Variants in IL3RA observed in about 807,000 individuals in gnomAD.
IL3RA encodes the protein interleukin-3 receptor subunit alpha.
In IL3RA, 73 loss-of-function variants were observed where a neutral mutation model predicts 52.3. The observed-to-expected ratio is 1.40, with a 90% CI of 1.16 to 1.70. The LOEUF is 1.70. Among genes scored for constraint, IL3RA ranks in the 40% most tolerant of loss-of-function variants. The pLI is 0.00. For synonymous variants in IL3RA, 260 were observed against 194.0 expected (o/e 1.34, Z -2.83); for missense variants, 664 against 504.4 (o/e 1.32, Z -3.03).
chrX:1,363,657 G>A (rs1455357634), intron 8 of IL3RA, among the ~76,000 whole-genome samples: 3 of 151,850 alleles, frequency 2.0e-5, no homozygotes, highest in East Asian at 1.9e-4. Context: ...AATTTTGGGG[G>A]ATCACAATGC....
intron 2 of IL3RA, among the ~76,000 whole-genome samples, chrX:1,343,395 C>T (rs1241912041): frequency 6.6e-5 from 10 of 152,000 alleles, no homozygotes; most frequent in South Asian, 2.1e-4. Flanking sequence ...CCGGGTGCAA[C>T]GGCTCACGTC....
intron 1 of IL3RA, among the ~76,000 whole-genome samples, chrX:1,339,489 A>G (rs1429010463): frequency 3.9e-5 from 6 of 152,016 alleles, no homozygotes; most frequent in Non-Finnish European, 8.8e-5. Flanking sequence ...CGCTAACGCC[A>G]TTTGGTTCTT....
chrX:1,360,487 T>A lies in IL3RA; in HGVS notation c.759+1600T>A, dbSNP rs187395359. 3.9e-3 allele frequency among the ~76,000 whole-genome samples: 589 copies of A among 152,032 alleles called. 5 individuals carry two copies. Among genetic ancestry groups the A allele is most frequent in the African/African-American group, 0.013 (557 of 41,490 alleles). On this transcript the variant is annotated intron_variant, in intron 8 of 11. Coordinates refer to ENST00000331035, the MANE Select transcript of IL3RA (RefSeq NM_002183.4). The stretch of plus-strand genomic sequence containing the variant: ...CTCCCCCTCTCCCAGTCTCTCTGTA[T>A]CTCTGTATCTCTCTCCCTTTCTCCT...
At chrX:1,348,692 T>C (rs28425472) in intron 4 of IL3RA, 147 bp downstream of exon 4, 35,514 of 280,164 alleles carry the variant, frequency 0.13, 2,846 homozygotes, top group African/African-American at 0.23. Flanking sequence ...CTTTCTTTCT[T>C]TTTCTTTCTT....
At position 1,341,743 on chromosome X, in the gene IL3RA, T is replaced by A. The variant is rs377383055; in HGVS notation, c.-23T>A. ...TCTCCTGCAGCAGGCACCTCTGTCC[T>A]GCGTTCCGGAGCTGCGTTCCCGATG... On this transcript the variant is annotated 5_prime_UTR_variant, in exon 2 of 12. Coordinates refer to ENST00000331035, the MANE Select transcript of IL3RA (RefSeq NM_002183.4). 3.5e-5 allele frequency: 56 copies of A among 1,613,436 alleles called. No individual in the cohort carries two copies. Among genetic ancestry groups the A allele is most frequent in the Non-Finnish European group, 4.5e-5 (53 of 1,179,674 alleles).
At chrX:1,340,704 A>G (rs2085455315) in intron 1 of IL3RA, among the ~76,000 whole-genome samples, 1 of 152,120 alleles carries the variant, frequency 6.6e-6, no homozygotes, top group Non-Finnish European at 1.5e-5. Flanking sequence ...ACACAAACAC[A>G]GCCGGGCACG....
At chrX:1,366,380 C>G (rs865785342) in intron 9 of IL3RA, among the ~76,000 whole-genome samples, 137 of 1,860 alleles carry the variant, frequency 0.074, no homozygotes, top group African/African-American at 0.23. Flanking sequence ...CGGGGTGAGC[C>G]GGGTGCGCGG....
At chrX:1,355,419 AG>A (rs1569523205) in intron 6 of IL3RA, among the ~76,000 whole-genome samples, 1 of 76,844 alleles carries the variant, frequency 1.3e-5, no homozygotes, top group Non-Finnish European at 2.5e-5. Flanking sequence ...GCGGAGGGGG[AG>A]GAGGGGAGGG....
intron 2 of IL3RA, among the ~76,000 whole-genome samples, chrX:1,344,141 C>T (rs1352328282): frequency 2.6e-5 from 4 of 151,992 alleles, no homozygotes; most frequent in African/African-American, 9.7e-5. Flanking sequence ...GTACATAGAA[C>T]TCCACTTCCC....
chrX:1,354,280 G>C (rs1199689686), intron 6 of IL3RA, among the ~76,000 whole-genome samples: 11 of 152,106 alleles, frequency 7.2e-5, no homozygotes, highest in African/African-American at 2.4e-4. Flanking sequence ...AGCTTCAGTG[G>C]AGGAATTTGG....
chrX:1,336,955 G>A (rs1256536071), intron 1 of IL3RA, 29 bp downstream of exon 1: 1 of 152,280 alleles, frequency 6.6e-6, no homozygotes, highest in Non-Finnish European at 1.5e-5. Context: ...GGTGGGATGA[G>A]GGAAAAAGAG....
chrX:1,349,505 T>A lies in IL3RA; in HGVS notation c.298+960T>A, dbSNP rs192217231. ...TTAAATACTTTTTGTAGAGATGGGG[T>A]GTCGCTATGTTACCTGAGCTGGTCT... On this transcript the variant is annotated intron_variant, in intron 4 of 11. Transcript: ENST00000331035. Among the ~76,000 whole-genome samples, 861 of 151,842 alleles carry A rather than the reference T, an allele frequency of 5.7e-3. 17 individuals carry two copies. The highest frequency in any genetic ancestry group is 0.02 in the African/African-American group (829 of 41,412).
At chrX:1,361,951 G>A (rs1207843906) in intron 8 of IL3RA, among the ~76,000 whole-genome samples, 1 of 151,842 alleles carries the variant, frequency 6.6e-6, no homozygotes, top group African/African-American at 2.4e-5. Flanking sequence ...AGATTTGGGT[G>A]GGGACACAGC....
chrX:1,379,939 T>C (rs111636022), intron 10 of IL3RA, among the ~76,000 whole-genome samples: 1 of 152,164 alleles, frequency 6.6e-6, no homozygotes, highest in African/African-American at 2.4e-5. Flanking sequence ...TTTGTATTTT[T>C]AGTAGAGATG....
At chrX:1,347,706 C>G (rs1187354165) in intron 3 of IL3RA, among the ~76,000 whole-genome samples, 1 of 151,582 alleles carries the variant, frequency 6.6e-6, no homozygotes, top group East Asian at 1.9e-4. Context: ...ATATTTACTG[C>G]TAAGTGGGAT....
intron 9 of IL3RA, among the ~76,000 whole-genome samples, chrX:1,378,391 T>A (rs1320373018): frequency 6.6e-6 from 1 of 152,060 alleles, no homozygotes; most frequent in Non-Finnish European, 1.5e-5. Flanking sequence ...CAGACAGGGA[T>A]CCCTGGTGGT....
chrX:1,378,182 CAAAAAA>C (rs370693489), intron 9 of IL3RA, among the ~76,000 whole-genome samples: 51 of 86,294 alleles, frequency 5.9e-4, no homozygotes, highest in Admixed American at 7.9e-4. Context: ...GACTCCATCT[CAAAAAA>C]AAAAAAAAAA....
At chrX:1,360,083 T>TTC (rs1360444854) in intron 8 of IL3RA, among the ~76,000 whole-genome samples, 8 of 110,466 alleles carry the variant, frequency 7.2e-5, no homozygotes, top group Admixed American at 6.4e-4. Flanking sequence ...CCCTCCATCT[T>TTC]TCTCTCTCTC....
At chrX:1,341,543 G>A (rs1259466678) in intron 1 of IL3RA, among the ~76,000 whole-genome samples, 185 bp from the exon 2 acceptor site, 1 of 26,594 alleles carries the variant, frequency 3.8e-5, no homozygotes, top group Non-Finnish European at 2.2e-4. Flanking sequence ...AGCACACTCT[G>A]ATGTGCATGC....
Sources: gnomAD v4.1 joint callset for allele counts (sites outside exome capture counted in the v4.1 genomes callset) on GRCh38, gnomAD v4.1.1 for gene constraint, MANE v1.5 for transcripts, NCBI Gene and HGNC (gene_info 2026-07-23, HGNC 2026-07-21) for gene names.